Variants in MYO3B observed in about 807,000 individuals in gnomAD.
MYO3B encodes myosin IIIB.
In MYO3B, 156 loss-of-function variants were observed where a neutral mutation model predicts 174.6. That is an observed-to-expected ratio of 0.89 (90% CI 0.78 to 1.02). The LOEUF (loss-of-function observed/expected upper bound fraction) is 1.02. Ranked by LOEUF, MYO3B falls within the 50% of genes least tolerant of loss-of-function variation. The pLI is 0.00. For synonymous variants in MYO3B, 563 were observed against 569.1 expected, an observed-to-expected ratio of 0.99 and a Z score of 0.15; for missense variants, 1,632 against 1,639.4, an observed-to-expected ratio of 1.00 and a Z score of 0.08.
At chr2:170,467,896 CTT>C (rs1263947320) in intron 25 of MYO3B, among the ~76,000 whole-genome samples, 2 of 141,906 alleles carry the variant, frequency 1.4e-5, no homozygotes, top group East Asian at 4.1e-4. Context: ...TTTTAAGTGT[CTT>C]TGAGCTCCTT....
At chr2:170,268,313 G>A (rs1240829910) in intron 7 of MYO3B, among the ~76,000 whole-genome samples, 2 of 152,130 alleles carry the variant, frequency 1.3e-5, no homozygotes, top group Non-Finnish European at 1.5e-5. Flanking sequence ...TAATGGGTGA[G>A]AAAATGGCAG....
At chr2:170,421,618 GA>G (rs2094615747) in intron 22 of MYO3B, among the ~76,000 whole-genome samples, 1 of 152,196 alleles carries the variant, frequency 6.6e-6, no homozygotes, top group Admixed American at 6.5e-5. Flanking sequence ...TTATCTGTGA[GA>G]TGTTGTGAGG....
chr2:170,523,610 C>T (rs948644093), intron 30 of MYO3B, among the ~76,000 whole-genome samples: 5 of 152,152 alleles, frequency 3.3e-5, no homozygotes, highest in African/African-American at 9.7e-5. Context: ...TTCCAGGGCT[C>T]GGTCAGCCAT....
intron 32 of MYO3B, among the ~76,000 whole-genome samples, chr2:170,546,155 C>T (rs1650370254): frequency 6.6e-6 from 1 of 152,110 alleles, no homozygotes; most frequent in Admixed American, 6.5e-5. Flanking sequence ...TTTCAAAATC[C>T]TCTCCATTCT....
intron 7 of MYO3B, among the ~76,000 whole-genome samples, chr2:170,268,845 G>T (rs560678145): frequency 6.6e-6 from 1 of 152,012 alleles, no homozygotes; most frequent in Non-Finnish European, 1.5e-5. Context: ...ACAAAGGATA[G>T]AAATTAGCAT....
intron 7 of MYO3B, among the ~76,000 whole-genome samples, chr2:170,291,853 G>T (rs879358440): frequency 6.6e-6 from 1 of 151,858 alleles, no homozygotes; most frequent in Non-Finnish European, 1.5e-5. Flanking sequence ...GCTGCATTTA[G>T]GATCTTCACT....
intron 7 of MYO3B, among the ~76,000 whole-genome samples, chr2:170,239,053 G>A (rs938193730): frequency 2.0e-5 from 3 of 152,080 alleles, no homozygotes; most frequent in East Asian, 3.9e-4. Context: ...CTCGTCTAAC[G>A]CCTTTGCTCC....
At position 170,549,150 on chromosome 2, in the gene MYO3B, C is replaced by A. The variant is rs1378468346; in HGVS notation, c.3733+5162C>A. On this transcript the variant is annotated intron_variant, in intron 32 of 34. Transcript: ENST00000408978. The stretch of plus-strand genomic sequence containing the variant: ...ATTTTCTTAATGTAAAGTACACAAG[C>A]TTTAGTTTAACCTTGTGACCTGTGC... Among the ~76,000 whole-genome samples the A allele has an allele frequency of 4.6e-5, 7 of 152,160 alleles. No individual in the cohort carries two copies. In the South Asian group the frequency reaches 1.2e-3, roughly 27 times the overall value.
chr2:170,272,167 T>A (rs543504446), intron 7 of MYO3B, among the ~76,000 whole-genome samples: 41 of 151,792 alleles, frequency 2.7e-4, no homozygotes, highest in African/African-American at 8.7e-4. Flanking sequence ...AGCATCGGCA[T>A]CACTTGGGAA....
rs1461824937 is a variant in MYO3B, at chr2:170,236,282, G to T, written c.749+146G>T. The T allele has an allele frequency of 3.1e-6, 3 of 967,580 alleles. No individual in the cohort carries two copies. In the African/African-American group the frequency reaches 5.0e-5, roughly 16 times the overall value. The allele number at this position is 967,580 out of a possible 1,614,324, so 59.9% of individuals were successfully genotyped here. A position where few individuals can be genotyped will look rare whatever the true frequency, so the allele number is the denominator to read the frequency against. Reference sequence around the variant, plus strand: ...TATTTTCTTTGAAAAAGCAAGGGGGGCTGGGGGGGACAGAGAAGAGGATGT... The same window carrying T: ...TATTTTCTTTGAAAAAGCAAGGGGGTCTGGGGGGGACAGAGAAGAGGATGT... On this transcript the variant is annotated intron_variant, in intron 7 of 34. Transcript: ENST00000408978.
At chr2:170,374,758 T>TACACACACACACACACAC (rs201921789) in intron 9 of MYO3B, among the ~76,000 whole-genome samples, 1 of 140,068 alleles carries the variant, frequency 7.1e-6, no homozygotes. Flanking sequence ...TATGCATACA[T>TACACACACACACACACAC]ACACACACAC....
chr2:170,262,019 C>T (rs545714944), intron 7 of MYO3B, among the ~76,000 whole-genome samples: 8 of 152,230 alleles, frequency 5.3e-5, no homozygotes, highest in Non-Finnish European at 1.0e-4. Flanking sequence ...CTTGAGAGTT[C>T]GCAGTCTGTT....
intron 9 of MYO3B, among the ~76,000 whole-genome samples, chr2:170,375,072 A>G (rs2094281387): frequency 6.6e-6 from 1 of 152,202 alleles, no homozygotes; most frequent in Non-Finnish European, 1.5e-5. Context: ...GGCTGAAAGT[A>G]CATTGTTACT....
At chr2:170,571,314 G>A (rs192649439) in intron 32 of MYO3B, among the ~76,000 whole-genome samples, 139 of 152,280 alleles carry the variant, frequency 9.1e-4, no homozygotes, top group African/African-American at 3.1e-3. Flanking sequence ...CTGTGGAAGC[G>A]CATTTAACAT....
At chr2:170,338,340 A>G (rs943842729) in intron 8 of MYO3B, among the ~76,000 whole-genome samples, 1 of 152,152 alleles carries the variant, frequency 6.6e-6, no homozygotes, top group Non-Finnish European at 1.5e-5. Context: ...TTTAAGATGG[A>G]AATATGTCAT....
intron 9 of MYO3B, among the ~76,000 whole-genome samples, chr2:170,371,749 C>T (rs1035712945): frequency 2.1e-4 from 31 of 151,036 alleles, no homozygotes; most frequent in Admixed American, 1.8e-3. Context: ...CCTAATTACC[C>T]GCTCATCATT....
chr2:170,222,104 C>A (rs1287993217), intron 6 of MYO3B, among the ~76,000 whole-genome samples: 1 of 152,114 alleles, frequency 6.6e-6, no homozygotes, highest in South Asian at 2.1e-4. Context: ...GTCATGAAAA[C>A]TTCCGATTTT....
intron 32 of MYO3B, among the ~76,000 whole-genome samples, chr2:170,570,739 G>C (rs146804446): frequency 6.6e-6 from 1 of 151,852 alleles, no homozygotes; most frequent in African/African-American, 2.4e-5. Flanking sequence ...TCATTTGCGC[G>C]TTATTCTGGC....
intron 7 of MYO3B, among the ~76,000 whole-genome samples, chr2:170,330,366 A>G (rs983839869): frequency 3.0e-4 from 45 of 152,222 alleles, no homozygotes; most frequent in Admixed American, 1.7e-3. Context: ...ACGAGATAAA[A>G]TACAGAAGAG....
Sources: gnomAD v4.1 joint callset for allele counts (sites outside exome capture counted in the v4.1 genomes callset) on GRCh38, gnomAD v4.1.1 for gene constraint, MANE v1.5 for transcripts, NCBI Gene and HGNC (gene_info 2026-07-23, HGNC 2026-07-21) for gene names.